The following ADD3 variants were observed in gnomAD, a reference collection of about 807,000 sequenced individuals.
ADD3 encodes adducin 3, also known as gamma-adducin.
In ADD3, 25 loss-of-function variants were observed where a neutral mutation model predicts 80.2. The observed-to-expected ratio is 0.31, with a 90% CI of 0.23 to 0.44. The LOEUF (loss-of-function observed/expected upper bound fraction) is 0.44. ADD3 is among the 20% of genes least tolerant of loss of function. ADD3 has a pLI of 1.00. For synonymous variants in ADD3, 284 were observed against 289.6 expected (o/e 0.98, Z 0.20); for missense variants, 829 against 847.5 (o/e 0.98, Z 0.27).
upstream of ADD3, among the ~76,000 whole-genome samples, chr10:110,006,676 A>T (rs1223262158): frequency 6.6e-6 from 1 of 152,200 alleles, no homozygotes; most frequent in African/African-American, 2.4e-5. Flanking sequence ...GTTTGTGTCA[A>T]GACAAGATTC....
chr10:110,118,766 G>C (rs1851098433), intron 6 of ADD3, 30 bp downstream of exon 6: 1 of 1,601,180 alleles, frequency 6.2e-7, no homozygotes, highest in South Asian at 1.1e-5. Flanking sequence ...AAACTGACAG[G>C]ACGCTGGAAG....
intron 1 of ADD3, among the ~76,000 whole-genome samples, chr10:110,017,820 G>C (rs1050659757): frequency 6.6e-6 from 1 of 152,136 alleles, no homozygotes; most frequent in African/African-American, 2.4e-5. Flanking sequence ...TAAATTAAGA[G>C]ATATTTAATA....
At chr10:110,118,220 A>G (rs1435012127) in intron 5 of ADD3, among the ~76,000 whole-genome samples, 2 of 152,170 alleles carry the variant, frequency 1.3e-5, no homozygotes, top group Non-Finnish European at 1.5e-5. Flanking sequence ...TGCTTGCTGC[A>G]ATGTTAGCAA....
intron 1 of ADD3, among the ~76,000 whole-genome samples, chr10:110,008,616 G>C (rs750548481): frequency 1.3e-5 from 2 of 152,158 alleles, no homozygotes; most frequent in African/African-American, 4.8e-5. Flanking sequence ...TTTTCCCTAG[G>C]AAGGCGGGGA....
At chr10:110,024,340 G>A (rs1398565238) in intron 1 of ADD3, among the ~76,000 whole-genome samples, 1 of 152,090 alleles carries the variant, frequency 6.6e-6, no homozygotes, top group Admixed American at 6.5e-5. Context: ...TAAACATAGC[G>A]TAAGCACCTA....
At chr10:110,110,451 C>G (rs1419665504) in intron 2 of ADD3, among the ~76,000 whole-genome samples, 2 of 152,150 alleles carry the variant, frequency 1.3e-5, no homozygotes, top group Non-Finnish European at 2.9e-5. Flanking sequence ...ACTGTTGACT[C>G]AGATGTTTGT....
chr10:110,002,190 G>A (rs541998850), upstream of ADD3, among the ~76,000 whole-genome samples: 6 of 152,186 alleles, frequency 3.9e-5, no homozygotes, highest in South Asian at 4.2e-4. Flanking sequence ...TACTCAGGAG[G>A]CTGAGGCAGG....
At chr10:110,098,621 T>C (rs1848444437) in intron 1 of ADD3, among the ~76,000 whole-genome samples, 1 of 152,086 alleles carries the variant, frequency 6.6e-6, no homozygotes, top group African/African-American at 2.4e-5. Flanking sequence ...TGAACTATTT[T>C]CATGAATACA....
intron 1 of ADD3, among the ~76,000 whole-genome samples, chr10:110,011,486 A>G (rs914944558): frequency 2.6e-5 from 4 of 152,258 alleles, no homozygotes; most frequent in African/African-American, 9.6e-5. Flanking sequence ...TTAGGAAAAA[A>G]TGTTTAAAAA....
intron 1 of ADD3, among the ~76,000 whole-genome samples, chr10:110,015,850 G>C: frequency 6.6e-6 from 1 of 152,130 alleles, no homozygotes; most frequent in Admixed American, 6.5e-5. Flanking sequence ...ACAAGGGTCC[G>C]GTCACTAGCC....
intron 1 of ADD3, among the ~76,000 whole-genome samples, chr10:110,097,749 T>A (rs527551085): frequency 2.0e-5 from 3 of 151,778 alleles, no homozygotes; most frequent in African/African-American, 7.3e-5. Flanking sequence ...CTGGAACAGT[T>A]CCTTACAGTT....
intron 1 of ADD3, among the ~76,000 whole-genome samples, chr10:110,086,649 T>C (rs1244416032): frequency 6.6e-6 from 1 of 152,192 alleles, no homozygotes; most frequent in African/African-American, 2.4e-5. Flanking sequence ...TCGCTTGCTC[T>C]CCTGCCACCA....
At chr10:110,020,586 G>C (rs1463537487) in intron 1 of ADD3, among the ~76,000 whole-genome samples, 2 of 152,114 alleles carry the variant, frequency 1.3e-5, no homozygotes, top group Non-Finnish European at 2.9e-5. Context: ...GGAAGCCACT[G>C]GATAACTTCA....
chr10:110,067,481 G>A (rs902963336), intron 1 of ADD3, among the ~76,000 whole-genome samples: 1 of 152,176 alleles, frequency 6.6e-6, no homozygotes, highest in Non-Finnish European at 1.5e-5. Context: ...CAGCAGGAAT[G>A]AGTTTAAAGA....
rs1843806502 is a variant in ADD3, at chr10:110,065,539, C to CCTTTTTTTTTTTTTTTTTTTT, written c.-29-35086_-29-35085insCTTTTTTTTTTTTTTTTTTTT. 8.3e-4 allele frequency among the ~76,000 whole-genome samples: 26 copies of CCTTTTTTTTTTTTTTTTTTTT among 31,180 alleles called. 1 individual carries two copies. Among genetic ancestry groups the CCTTTTTTTTTTTTTTTTTTTT allele is most frequent in the African/African-American group, 2.0e-3 (25 of 12,582 alleles). 20.5% of individuals were successfully genotyped at this position (31,180 alleles called of 152,430 possible). A position where few individuals can be genotyped will look rare whatever the true frequency, so the allele number is the denominator to read the frequency against. ...TTTTTTCTTAGCCTCTCTCTCTCCC[C>CCTTTTTTTTTTTTTTTTTTTT]TTTTTTTTTTTTTTTTTTGAGAAAG... On this transcript the variant is annotated intron_variant, in intron 1 of 14. Coordinates refer to ENST00000356080, the MANE Select transcript of ADD3 (RefSeq NM_016824.5).
intron 1 of ADD3, among the ~76,000 whole-genome samples, chr10:110,039,617 A>G (rs919171843): frequency 6.6e-6 from 1 of 152,256 alleles, no homozygotes; most frequent in African/African-American, 2.4e-5. Context: ...ATCTATTGCT[A>G]CATAACAAAT....
intron 1 of ADD3, among the ~76,000 whole-genome samples, chr10:110,032,868 C>CT (rs1294888718): frequency 1.3e-5 from 2 of 152,098 alleles, no homozygotes; most frequent in Non-Finnish European, 2.9e-5. Flanking sequence ...CTACCAGAAA[C>CT]TTTATCGAGA....
At chr10:110,126,079 T>G in intron 11 of ADD3, 134 bp downstream of exon 11, 1 of 930,490 alleles carries the variant, frequency 1.1e-6, no homozygotes, top group Non-Finnish European at 1.6e-6. Flanking sequence ...TCAGTATAAT[T>G]TTAGCTTATA....
chr10:110,092,073 A>G (rs1214708465), intron 1 of ADD3, among the ~76,000 whole-genome samples: 1 of 152,206 alleles, frequency 6.6e-6, no homozygotes, highest in East Asian at 1.9e-4. Flanking sequence ...TGTTATTAAA[A>G]TGTCAGAAAA....
Sources: gnomAD v4.1 joint callset for allele counts (sites outside exome capture counted in the v4.1 genomes callset) on GRCh38, gnomAD v4.1.1 for gene constraint, MANE v1.5 for transcripts, NCBI Gene and HGNC (gene_info 2026-07-23, HGNC 2026-07-21) for gene names.